Variants in KREMEN1 observed in about 807,000 individuals in gnomAD.
KREMEN1 encodes kringle containing transmembrane protein 1, also known as kremen protein 1.
In KREMEN1, 30 loss-of-function variants were observed where a neutral mutation model predicts 46.5. The observed-to-expected ratio is 0.65, with a 90% CI of 0.48 to 0.88. The LOEUF is 0.88. Ranked by LOEUF, KREMEN1 falls within the 40% of genes least tolerant of loss-of-function variation. The pLI is 0.00. For missense variants in KREMEN1, 533 were observed against 596.9 expected (o/e 0.89, Z 1.11); for synonymous variants, 214 against 230.6 (o/e 0.93, Z 0.65).
chr22:29,110,161 G>A (rs138896760), intron 3 of KREMEN1, among the ~76,000 whole-genome samples: 1 of 152,316 alleles, frequency 6.6e-6, no homozygotes, highest in African/African-American at 2.4e-5. Context: ...TGGTTCTTCT[G>A]CTGCTGTCAC....
intron 8 of KREMEN1, 81 bp from the exon 9 acceptor site, chr22:29,141,863 T>G: frequency 8.5e-7 from 1 of 1,169,720 alleles, no homozygotes; most frequent in Non-Finnish European, 1.2e-6. Context: ...CCACCCCATT[T>G]CATAGATACA....
intron 1 of KREMEN1, among the ~76,000 whole-genome samples, chr22:29,093,948 T>G (rs2037838902): frequency 6.6e-6 from 1 of 152,178 alleles, no homozygotes; most frequent in African/African-American, 2.4e-5. Flanking sequence ...ATTTAGGGGT[T>G]TCCTGGTTCA....
At chr22:29,128,116 G>A (rs921169911) in intron 5 of KREMEN1, among the ~76,000 whole-genome samples, 5 of 152,070 alleles carry the variant, frequency 3.3e-5, no homozygotes, top group Admixed American at 2.0e-4. Context: ...TAATAGGTAC[G>A]GATTTTCTTT....
intron 3 of KREMEN1, among the ~76,000 whole-genome samples, chr22:29,106,648 T>C (rs1239040297): frequency 4.6e-5 from 7 of 152,212 alleles, no homozygotes; most frequent in Non-Finnish European, 8.8e-5. Context: ...CCAGGACTCC[T>C]GATAGCTAGA....
chr22:29,083,694 T>C (rs1385504013), intron 1 of KREMEN1, among the ~76,000 whole-genome samples: 1 of 152,106 alleles, frequency 6.6e-6, no homozygotes, highest in African/African-American at 2.4e-5. Flanking sequence ...TAGCCAGCCA[T>C]GGTGGTGGGT....
intron 3 of KREMEN1, among the ~76,000 whole-genome samples, chr22:29,101,371 T>G (rs1283990154): frequency 6.6e-6 from 1 of 151,994 alleles, no homozygotes; most frequent in African/African-American, 2.4e-5. Context: ...CTAAAGTAAT[T>G]AAAAAGTTTA....
intron 9 of KREMEN1, among the ~76,000 whole-genome samples, chr22:29,158,137 C>T (rs898056353): frequency 2.0e-5 from 3 of 152,216 alleles, no homozygotes; most frequent in Non-Finnish European, 2.9e-5. Flanking sequence ...CACATGAGAG[C>T]ATGAGGCTGG....
intron 1 of KREMEN1, among the ~76,000 whole-genome samples, chr22:29,075,698 AACACACACACATAC>A (rs992565098): frequency 2.6e-4 from 40 of 152,066 alleles, no homozygotes; most frequent in Admixed American, 1.3e-3. Flanking sequence ...TTCCCAATAA[AACACACACACATAC>A]ACACACACAC....
intron 3 of KREMEN1, among the ~76,000 whole-genome samples, chr22:29,120,468 A>C: frequency 1.7e-5 from 2 of 118,996 alleles, no homozygotes; most frequent in African/African-American, 6.9e-5. Flanking sequence ...GGGAGACGTG[A>C]TGATGGAAAC....
intron 3 of KREMEN1, among the ~76,000 whole-genome samples, chr22:29,105,718 G>A (rs1214360259): frequency 1.3e-5 from 2 of 152,092 alleles, no homozygotes; most frequent in Non-Finnish European, 2.9e-5. Context: ...ATAGTTCGTT[G>A]AGCCTCTGTA....
chr22:29,102,840 G>T (rs2037997337), intron 3 of KREMEN1, among the ~76,000 whole-genome samples: 1 of 152,166 alleles, frequency 6.6e-6, no homozygotes, highest in African/African-American at 2.4e-5. Context: ...ATTTGTAGAA[G>T]TTGGGAATGA....
intron 3 of KREMEN1, among the ~76,000 whole-genome samples, chr22:29,112,517 T>C (rs2038169312): frequency 6.6e-6 from 1 of 152,206 alleles, no homozygotes; most frequent in African/African-American, 2.4e-5. Context: ...TTGTTTCTTA[T>C]GATAGTAAAA....
rs151149772 is a variant in KREMEN1 at position 29,142,839 on chromosome 22, A to C, written c.*727A>C. The C allele has an allele frequency of 2.3e-4, 222 of 985,500 alleles. 2 individuals carry two copies. In the African/African-American group the frequency reaches 3.6e-3, roughly 16 times the overall value. 61.0% of individuals were successfully genotyped at this position (985,500 alleles called of 1,614,324 possible). On this transcript the variant is annotated 3_prime_UTR_variant, in exon 9 of 9. Coordinates refer to ENST00000400335, the MANE Select transcript of KREMEN1 (RefSeq NM_001039570.3). ...TCATGGAGCTGCAGGGAAAGCTTTAAGAGCTTTGGTCATATAAAACATCCA... is the reference window on the plus strand; with the variant it reads ...TCATGGAGCTGCAGGGAAAGCTTTACGAGCTTTGGTCATATAAAACATCCA...
At chr22:29,080,082 A>G (rs1304643128) in intron 1 of KREMEN1, among the ~76,000 whole-genome samples, 2 of 152,198 alleles carry the variant, frequency 1.3e-5, no homozygotes, top group Non-Finnish European at 2.9e-5. Flanking sequence ...CCCTATTCCT[A>G]TGTCTATGGG....
chr22:29,148,957 A>G (rs2038894764), downstream of KREMEN1, among the ~76,000 whole-genome samples: 1 of 146,848 alleles, frequency 6.8e-6, no homozygotes. Flanking sequence ...GGTGGGATGC[A>G]TTTGACCACT....
At chr22:29,133,390 C>G (rs1037639592) in intron 5 of KREMEN1, among the ~76,000 whole-genome samples, 9 of 152,030 alleles carry the variant, frequency 5.9e-5, no homozygotes, top group African/African-American at 2.2e-4. Flanking sequence ...GCCTCGACCC[C>G]CCTGGGCTCA....
rs894788805 is a variant in KREMEN1, at chr22:29,125,149, G to T, written c.478-114G>T. ...AAGAAGGGGGAGGTCCCAGGGGAAG[G>T]GACCCTGGGAAGTTGAGGCTGATTG... On this transcript the variant is annotated intron_variant, in intron 4 of 8. Coordinates refer to ENST00000400335, the MANE Select transcript of KREMEN1 (RefSeq NM_001039570.3). 6.1e-6 allele frequency: 7 copies of T among 1,154,242 alleles called. No individual in the cohort carries two copies. In the African/African-American group the frequency reaches 1.1e-4, roughly 18 times the overall value. The allele number at this position is 1,154,242 out of a possible 1,614,324, so 71.5% of individuals were successfully genotyped here. A position where few individuals can be genotyped will look rare whatever the true frequency, so the allele number is the denominator to read the frequency against.
intron 5 of KREMEN1, among the ~76,000 whole-genome samples, chr22:29,130,860 C>T (rs565023631): frequency 6.6e-6 from 1 of 152,164 alleles, no homozygotes; most frequent in Non-Finnish European, 1.5e-5. Flanking sequence ...GCTAATCTCT[C>T]CTTCAAAAAA....
chr22:29,123,695 C>G (rs1428043110), intron 4 of KREMEN1, among the ~76,000 whole-genome samples: 2 of 152,200 alleles, frequency 1.3e-5, no homozygotes, highest in African/African-American at 4.8e-5. Context: ...GAAGCTGAGA[C>G]AGGACAATTG....
Sources: gnomAD v4.1 joint callset for allele counts (sites outside exome capture counted in the v4.1 genomes callset) on GRCh38, gnomAD v4.1.1 for gene constraint, MANE v1.5 for transcripts, NCBI Gene and HGNC (gene_info 2026-07-23, HGNC 2026-07-21) for gene names.